Variants in ZNF432 observed in about 807,000 individuals in gnomAD.
ZNF432 encodes zinc finger protein 432.
Under a neutral mutation model 13.9 loss-of-function variants are expected in ZNF432, and 10 were observed. The ratio of observed to expected loss-of-function variants is 0.72; its 90% CI spans 0.44 to 1.22. The LOEUF (loss-of-function observed/expected upper bound fraction) is 1.22. Ranked by LOEUF, ZNF432 falls within the 50% of genes most tolerant of loss-of-function variation. ZNF432 has a pLI of 0.00. For synonymous variants in ZNF432, 247 were observed against 256.2 expected, an observed-to-expected ratio of 0.96 and a Z score of 0.34; for missense variants, 793 against 796.2, an observed-to-expected ratio of 1.00 and a Z score of 0.05.
intron 2 of ZNF432, among the ~76,000 whole-genome samples, chr19:52,045,352 CTT>C (rs11433756): frequency 7.4e-5 from 8 of 107,528 alleles, no homozygotes; most frequent in Admixed American, 2.1e-4. Context: ...CTTTTTTTAC[CTT>C]TTTTTTTTTT....
At chr19:52,036,055 T>G (rs1371186439) in intron 4 of ZNF432, among the ~76,000 whole-genome samples, 1 of 152,192 alleles carries the variant, frequency 6.6e-6, no homozygotes, top group African/African-American at 2.4e-5. Flanking sequence ...AAGCAAGTCA[T>G]TATTACAAGC....
Position 52,034,969 on chromosome 19 carries a change from A to G in ZNF432, c.710T>C (p.Leu237Ser), listed in dbSNP as rs375403348. The G allele has an allele frequency of 1.2e-5, 20 of 1,612,876 alleles. No homozygotes were observed. The highest frequency in any genetic ancestry group is 1.7e-5 in the Non-Finnish European group (20 of 1,179,716). Residue 237 changes from leucine (L) to serine (S), a missense_variant, in exon 5 of 5, where the codon TTG (leucine) becomes TCG (serine). Transcript: ENST00000221315. ...CTTTCTGGAGAACACTTTTGCACAC[A>G]AAGTACATCCATAAGGTTTTTCTCC... ...HTGEKPYGCTLCAKVFSRKSR... is the reference protein window; with the variant it reads ...HTGEKPYGCTSCAKVFSRKSR...
At position 52,033,925 on chromosome 19, in the gene ZNF432, G is replaced by A. The variant is rs2123141820; in HGVS notation, c.1754C>T (p.Ala585Val). The change falls in exon 5 of 5, where the codon GCT (alanine) becomes GTT (valine). Residue 585 changes from alanine to valine, a missense_variant. By Grantham distance (64) the Ala-to-Val change is moderately conservative. Coordinates refer to ENST00000221315, the MANE Select transcript of ZNF432 (RefSeq NM_014650.4). ...TCCAGTATGAACTTGCTTATGTAAAGCAAGCTCTGTTTCCTTGGCAAAGCC... is the reference window on the plus strand; with the variant it reads ...TCCAGTATGAACTTGCTTATGTAAAACAAGCTCTGTTTCCTTGGCAAAGCC... Reference protein sequence around the residue: ...GRGFAKETELALHKQVHTGEK... With the variant: ...GRGFAKETELVLHKQVHTGEK... The A allele has an allele frequency of 6.2e-7, 1 of 1,613,766 alleles. No homozygotes were observed. The highest frequency in any genetic ancestry group is 1.6e-4 in the Middle Eastern group (1 of 6,062).
In ZNF432 at chr19:52,033,407, T is replaced by C; in HGVS notation, c.*313A>G. 1 of 304,932 alleles carries C rather than the reference T, an allele frequency of 3.3e-6. No homozygotes were observed. Among genetic ancestry groups the C allele is most frequent in the East Asian group, 6.9e-5 (1 of 14,406 alleles). 18.9% of individuals were successfully genotyped at this position (304,932 alleles called of 1,614,324 possible). ...GTTCAGATTCTCTGCAAAAGGACTA[T>C]GTACCTTACACATTTGTCATGTGGA... is the stretch of plus-strand genomic sequence containing the variant. On this transcript the variant is annotated 3_prime_UTR_variant, in exon 5 of 5. Coordinates refer to ENST00000221315, the MANE Select transcript of ZNF432 (RefSeq NM_014650.4).
chr19:52,048,128 A>AACAGAC (rs2087205623), intron 1 of ZNF432, among the ~76,000 whole-genome samples: 1 of 103,342 alleles, frequency 9.7e-6, no homozygotes, highest in Non-Finnish European at 2.0e-5. Flanking sequence ...GTTTGAGCTC[A>AACAGAC]ACACACACAC....
At chr19:52,038,326 G>C (rs1406853145) in intron 4 of ZNF432, among the ~76,000 whole-genome samples, 1 of 152,118 alleles carries the variant, frequency 6.6e-6, no homozygotes, top group Non-Finnish European at 1.5e-5. Context: ...TTGTGCTCTT[G>C]TTGCCCAGGC....
chr19:52,035,396 G>C lies in ZNF432; in HGVS notation c.283C>G (p.Gln95Glu). The part of the protein sequence containing the change: ...DDHLQDHLEN[Q>E]RMLKSVEQYH... ...TGTTCCACACTCTTCAGCATCCTTT[G>C]ATTTTCCAAGTGATCCTGCAGATGA... The change falls in exon 5 of 5, where the codon CAA becomes GAA. Residue 95 changes from glutamine (Q) to glutamate (E), a missense_variant. Transcript: ENST00000221315. 6.4e-7 allele frequency: 1 copy of C among 1,568,708 alleles called. No homozygotes were observed. The highest frequency in any genetic ancestry group is 1.2e-5 in the South Asian group (1 of 82,940).
rs1255613044 is a variant in ZNF432, at chr19:52,033,134, CAA to C, written c.*584_*585del. 1 of 152,304 alleles carries C rather than the reference CAA, an allele frequency of 6.6e-6. No individual in the cohort carries two copies. Among genetic ancestry groups the C allele is most frequent in the East Asian group, 1.9e-4 (1 of 5,202 alleles). The allele number at this position is 152,304 out of a possible 1,614,324, so 9.4% of individuals were successfully genotyped here. A position where few individuals can be genotyped will look rare whatever the true frequency, so the allele number is the denominator to read the frequency against. On this transcript the variant is annotated 3_prime_UTR_variant, in exon 5 of 5. Coordinates refer to ENST00000221315, the MANE Select transcript of ZNF432 (RefSeq NM_014650.4). ...CAAGACTTTTCTGCATTGGATGTAT[CAA>C]GTTTATTTCCTACATGTTTATTGTG... is the stretch of plus-strand genomic sequence containing the variant.
Position 52,033,838 on chromosome 19 carries a change from A to C in ZNF432, c.1841T>G (p.Val614Gly), listed in dbSNP as rs749985372. 3 of 1,613,918 alleles carry C rather than the reference A, an allele frequency of 1.9e-6. No homozygotes were observed. The highest frequency in any genetic ancestry group is 1.6e-4 in the Middle Eastern group (1 of 6,084). The stretch of plus-strand genomic sequence containing the variant: ...CTCTCCTGTATGAGTTCGTTGATGA[A>C]CAATTAGACGGCTCTTCATAGTGAA... ...KGFTMKSRLI[V>G]HQRTHTGEKP... The change falls in exon 5 of 5, where the codon GTT (valine) becomes GGT (glycine). Residue 614 changes from valine to glycine, a missense_variant. Val to Gly is a moderately radical substitution (Grantham distance 109, BLOSUM62 -3). Transcript: ENST00000221315.
At chr19:52,044,861 CAATT>C (rs2088344538) in intron 2 of ZNF432, among the ~76,000 whole-genome samples, 1 of 152,168 alleles carries the variant, frequency 6.6e-6, no homozygotes, top group South Asian at 2.1e-4. Context: ...CAATATTCTT[CAATT>C]AATTGCAGTG....
intron 2 of ZNF432, 51 bp downstream of exon 2, chr19:52,046,803 C>G (rs1469912200): frequency 9.4e-6 from 15 of 1,588,424 alleles, no homozygotes; most frequent in Non-Finnish European, 1.3e-5. Flanking sequence ...TTACGGGTCT[C>G]TACAAATCCA....
rs2087043919 is a variant in ZNF432 at position 52,034,090 on chromosome 19, A to G, written c.1589T>C (p.Val530Ala). ...CTCTCCAGTATGAGTTCGCTGGTGT[A>G]CAACAAGATTGCTCTTAAAGGCAAA... ...KGFAFKSNLV[V>A]HQRTHTGEKP... The change falls in exon 5 of 5, where the codon GTA (valine) becomes GCA (alanine). Residue 530 changes from valine to alanine, a missense_variant. By Grantham distance (64) the Val-to-Ala change is moderately conservative. Coordinates refer to ENST00000221315, the MANE Select transcript of ZNF432 (RefSeq NM_014650.4). The G allele has an allele frequency of 6.2e-7, 1 of 1,613,936 alleles. No homozygotes were observed.
intron 2 of ZNF432, among the ~76,000 whole-genome samples, chr19:52,044,485 C>T (rs2087164249): frequency 6.6e-6 from 1 of 151,538 alleles, no homozygotes; most frequent in South Asian, 2.1e-4. Context: ...AAAAACTTTG[C>T]AATAAACAAA....
At position 52,033,735 on chromosome 19, in the gene ZNF432, A is replaced by T. The variant is rs752584899; in HGVS notation, c.1944T>A (p.Asn648Lys). 2 of 1,589,754 alleles carry T rather than the reference A, an allele frequency of 1.3e-6. No homozygotes were observed. The highest frequency in any genetic ancestry group is 1.7e-6 in the Non-Finnish European group (2 of 1,169,794). ...CACTGCATTGTCAGGGTTTGTTTCC[A>T]TTATGAGTTCGCTGATGTACAATGA... ...RNLIVHQRTH[N>K]GNKP The change falls in exon 5 of 5, where the codon AAT becomes AAA. Residue 648 changes from asparagine to lysine, a missense_variant. Coordinates refer to ENST00000221315, the MANE Select transcript of ZNF432 (RefSeq NM_014650.4).
chr19:52,033,723 G>C lies in ZNF432; in HGVS notation c.1956C>G (p.Pro652=), dbSNP rs370482357. Residue 652 remains proline, a synonymous_variant, in exon 5 of 5, where the codon CCC becomes CCG. Coordinates refer to ENST00000221315, the MANE Select transcript of ZNF432 (RefSeq NM_014650.4). ...VHQRTHNGNK[P] ...CATGAACATGTCCACTGCATTGTCA[G>C]GGTTTGTTTCCATTATGAGTTCGCT... 4.4e-6 allele frequency: 7 copies of C among 1,578,732 alleles called. No individual in the cohort carries two copies. Among genetic ancestry groups the C allele is most frequent in the South Asian group, 3.6e-5 (3 of 84,304 alleles).
At chr19:52,041,011 G>A (rs2087131054) in intron 3 of ZNF432, among the ~76,000 whole-genome samples, 1 of 151,970 alleles carries the variant, frequency 6.6e-6, no homozygotes, top group African/African-American at 2.4e-5. Context: ...GGCTGAGGCA[G>A]GAGGAACACT....
rs2087055092 is a variant in ZNF432 at position 52,034,631 on chromosome 19, A to G, written c.1048T>C (p.Cys350Arg). 6.2e-7 allele frequency: 1 copy of G among 1,613,518 alleles called. No homozygotes were observed. Among genetic ancestry groups the G allele is most frequent in the Admixed American group, 1.7e-5 (1 of 59,976 alleles). ...TGEKPYICSE[C>R]GKGFTTKHYV... ...TGTTTTGTGGTGAAGCCTTTCCCAC[A>G]TTCACTACAGATGTAGGGCTTCTCT... Residue 350 changes from cysteine (C) to arginine (R), a missense_variant, in exon 5 of 5, where the codon TGT (cysteine) becomes CGT (arginine). By Grantham distance (180) the Cys-to-Arg change is radical. Transcript: ENST00000221315.
At chr19:52,046,250 G>A (rs1478844985) in intron 2 of ZNF432, among the ~76,000 whole-genome samples, 1 of 151,982 alleles carries the variant, frequency 6.6e-6, no homozygotes, top group Non-Finnish European at 1.5e-5. Flanking sequence ...CAGGAAAATG[G>A]AAGCTATGCA....
In ZNF432 at chr19:52,044,906, C is replaced by T. The variant is rs141084187; in HGVS notation, c.15+1948G>A. Among the ~76,000 whole-genome samples, 132 of 152,278 alleles carry T rather than the reference C, an allele frequency of 8.7e-4. 3 individuals are homozygous for T. The East Asian group carries it at 0.019, about 22-fold the overall frequency. Reference sequence around the variant, plus strand: ...TCCTTTATATTCTAAAACTACACCACCTAAGGTAGGGGTGTCCAATCTTTT... The same window carrying T: ...TCCTTTATATTCTAAAACTACACCATCTAAGGTAGGGGTGTCCAATCTTTT... On this transcript the variant is annotated intron_variant, in intron 2 of 4. Transcript: ENST00000221315.
Sources: allele counts gnomAD v4.1 joint callset (sites outside exome capture counted in the v4.1 genomes callset), GRCh38; gene constraint gnomAD v4.1.1; transcripts MANE v1.5; gene names NCBI Gene and HGNC (gene_info 2026-07-23, HGNC 2026-07-21).